CDYL: variants seen among roughly 807,000 people sequenced by gnomAD.
CDYL encodes the protein chromodomain Y like, also known as chromodomain Y-like protein.
In CDYL, 8 loss-of-function variants were observed where a neutral mutation model predicts 47.3. The observed-to-expected ratio is 0.17, with a 90% CI of 0.10 to 0.31. The LOEUF is 0.31. CDYL is among the 10% of genes least tolerant of loss of function. The pLI is 1.00. For missense variants in CDYL, 471 were observed against 701.4 expected (o/e 0.67, Z 3.71); for synonymous variants, 266 against 265.0 (o/e 1.00, Z -0.04).
At chr6:4,829,601 C>T (rs1760077739) in intron 1 of CDYL, among the ~76,000 whole-genome samples, 2 of 152,170 alleles carry the variant, frequency 1.3e-5, no homozygotes, top group South Asian at 4.1e-4. Context: ...TCCTGATCTT[C>T]CAAAGAAACT....
intron 3 of CDYL, among the ~76,000 whole-genome samples, chr6:4,734,998 T>C (rs2127415124): frequency 6.6e-6 from 1 of 152,216 alleles, no homozygotes; most frequent in African/African-American, 2.4e-5. Flanking sequence ...CTTAGAATGA[T>C]GTTTTTGGCC....
chr6:4,779,727 A>T (rs1468571621), intron 1 of CDYL, among the ~76,000 whole-genome samples: 2 of 152,332 alleles, frequency 1.3e-5, no homozygotes, highest in Non-Finnish European at 1.5e-5. Flanking sequence ...TCACAAAAAG[A>T]CAAGCGTCCT....
chr6:4,827,671 T>G (rs1238475909), intron 1 of CDYL, among the ~76,000 whole-genome samples: 2 of 152,242 alleles, frequency 1.3e-5, no homozygotes, highest in Non-Finnish European at 2.9e-5. Flanking sequence ...TTTTTTCTTT[T>G]TTGAGACAGA....
At chr6:4,877,176 C>T (rs1324165438) in intron 1 of CDYL, among the ~76,000 whole-genome samples, 1 of 152,182 alleles carries the variant, frequency 6.6e-6, no homozygotes, top group South Asian at 2.1e-4. Context: ...CCAAATAGAC[C>T]AAGACAGAAG....
chr6:4,734,692 G>T, intron 2 of CDYL: 2 of 1,593,034 alleles, frequency 1.3e-6, no homozygotes, highest in Non-Finnish European at 1.7e-6. Context: ...GATGGGGATG[G>T]AGGGAAGATG....
intron 2 of CDYL, among the ~76,000 whole-genome samples, chr6:4,922,305 T>C (rs779948534): frequency 5.0e-4 from 76 of 152,332 alleles, no homozygotes; most frequent in Non-Finnish European, 8.1e-4. Context: ...AAAGCCAGTA[T>C]GATCGTTCAC....
At chr6:4,854,517 T>C (rs79945464) in intron 1 of CDYL, among the ~76,000 whole-genome samples, 3,309 of 152,308 alleles carry the variant, frequency 0.022, 128 homozygotes, top group African/African-American at 0.076. Context: ...TGTGTGTGTT[T>C]CTTTCAGTGG....
At chr6:4,907,342 T>C (rs78635326) in intron 2 of CDYL, among the ~76,000 whole-genome samples, 3,568 of 152,246 alleles carry the variant, frequency 0.023, 154 homozygotes, top group African/African-American at 0.081. Flanking sequence ...TACAGCTTTT[T>C]TGTGGGTTTT....
chr6:4,803,979 C>CTTTTTT (rs202116997), intron 1 of CDYL, among the ~76,000 whole-genome samples: 12 of 133,188 alleles, frequency 9.0e-5, no homozygotes, highest in African/African-American at 3.0e-4. Context: ...GCGTAGCGTG[C>CTTTTTT]TTTTTTTTTT....
chr6:4,907,657 GCCACCATGTC>G (rs1757281134), intron 2 of CDYL, among the ~76,000 whole-genome samples: 2 of 152,204 alleles, frequency 1.3e-5, no homozygotes, highest in South Asian at 4.1e-4. Flanking sequence ...ATAGGCATGA[GCCACCATGTC>G]CAGCCTCTAA....
At chr6:4,876,780 A>T (rs899530281) in intron 1 of CDYL, among the ~76,000 whole-genome samples, 2 of 152,206 alleles carry the variant, frequency 1.3e-5, no homozygotes, top group Non-Finnish European at 2.9e-5. Flanking sequence ...TATATTTTGC[A>T]TGTGGGAATG....
rs975911524 is a variant in CDYL at position 4,929,324 on chromosome 6, A to G, written c.692-6191A>G. On this transcript the variant is annotated intron_variant, in intron 2 of 6. Coordinates refer to ENST00000397588, the MANE Select transcript of CDYL (RefSeq NM_004824.4). ...AAGTATTGAGTTGATCTGTTATTCT[A>G]TCTGTAATCTTTTTGTTCTCATGTT... Among the ~76,000 whole-genome samples, 5 of 151,218 alleles carry G rather than the reference A, an allele frequency of 3.3e-5. 1 individual carries two copies. In the East Asian group the frequency reaches 5.8e-4, roughly 18 times the overall value.
chr6:4,892,471 G>C, intron 2 of CDYL, 92 bp downstream of exon 2: 2 of 1,355,790 alleles, frequency 1.5e-6, no homozygotes, highest in South Asian at 1.4e-5. Flanking sequence ...GGCAGAGTCC[G>C]GGGCTTCTCA....
chr6:4,918,839 A>G (rs1168801354), intron 2 of CDYL, among the ~76,000 whole-genome samples: 1 of 152,238 alleles, frequency 6.6e-6, no homozygotes, highest in East Asian at 1.9e-4. Flanking sequence ...TTGGGTTACT[A>G]AAGACTTTGC....
At chr6:4,794,261 G>C (rs971771879) in intron 1 of CDYL, among the ~76,000 whole-genome samples, 2 of 152,122 alleles carry the variant, frequency 1.3e-5, no homozygotes, top group African/African-American at 4.8e-5. Flanking sequence ...AGAACCGAGA[G>C]ATAGTGGTGC....
intron 1 of CDYL, among the ~76,000 whole-genome samples, chr6:4,844,340 GT>G (rs1760591695): frequency 6.6e-6 from 1 of 152,336 alleles, no homozygotes; most frequent in Non-Finnish European, 1.5e-5. Flanking sequence ...ATCAGGTGGT[GT>G]GGGGGCCCTA....
chr6:4,934,143 T>C (rs1294475461), intron 2 of CDYL, among the ~76,000 whole-genome samples: 1 of 152,168 alleles, frequency 6.6e-6, no homozygotes, highest in African/African-American at 2.4e-5. Context: ...GAAGTCTGTA[T>C]TGATGTTTTC....
intron 2 of CDYL, among the ~76,000 whole-genome samples, chr6:4,934,422 G>T (rs1758125743): frequency 6.6e-6 from 1 of 152,028 alleles, no homozygotes; most frequent in African/African-American, 2.4e-5. Flanking sequence ...AGGTTATTTG[G>T]CTCCTCTGAA....
At chr6:4,829,743 G>C (rs955723738) in intron 1 of CDYL, among the ~76,000 whole-genome samples, 1 of 152,172 alleles carries the variant, frequency 6.6e-6, no homozygotes, top group African/African-American at 2.4e-5. Flanking sequence ...CCCAAGTTCA[G>C]ATGTCGTGCC....
Sources: allele counts gnomAD v4.1 joint callset (sites outside exome capture counted in the v4.1 genomes callset), GRCh38; gene constraint gnomAD v4.1.1; transcripts MANE v1.5; gene names NCBI Gene and HGNC (gene_info 2026-07-23, HGNC 2026-07-21).